The following SMTN variants were observed in gnomAD, a reference collection of about 807,000 sequenced individuals.
The protein encoded by SMTN is smoothelin.
A neutral mutation model predicts 102.0 loss-of-function variants in SMTN; 58 were observed. The ratio of observed to expected loss-of-function variants is 0.57; its 90% confidence interval spans 0.46 to 0.71. The LOEUF is 0.71. Among genes scored for constraint, SMTN ranks in the 30% least tolerant of loss-of-function variants. The probability of loss-of-function intolerance (pLI) is 0.00; values close to 1 mark genes in which losing one functional copy is unlikely to be tolerated. For missense variants in SMTN, 1,185 were observed against 1,241.7 expected (o/e 0.95, Z 0.69); for synonymous variants, 478 against 497.9 (o/e 0.96, Z 0.53).
At chr22:31,085,469 C>G (rs2042626323) in intron 2 of SMTN, among the ~76,000 whole-genome samples, 1 of 152,202 alleles carries the variant, frequency 6.6e-6, no homozygotes, top group East Asian at 1.9e-4. Context: ...GACTGAGGCC[C>G]AGTGAGACCT....
rs546170084 is a variant in SMTN at position 31,104,544 on chromosome 22, C to T, written c.*249C>T. 9.8e-6 allele frequency: 14 copies of T among 1,429,648 alleles called. No homozygotes were observed. In the Admixed American group the frequency reaches 2.0e-4, roughly 21 times the overall value. 88.6% of individuals were successfully genotyped at this position (1,429,648 alleles called of 1,614,324 possible). The stretch of plus-strand genomic sequence containing the variant: ...GCACCGTCTCCTGCCTGTGCGTCCG[C>T]CCACCGCTGCCCTGTCTGTTGCGAC... On this transcript the variant is annotated 3_prime_UTR_variant, in exon 21 of 21. Transcript: ENST00000333137.
chr22:31,099,951 G>A (rs540437776), intron 19 of SMTN, 55 bp downstream of exon 19: 46 of 1,573,112 alleles, frequency 2.9e-5, no homozygotes, highest in East Asian at 6.8e-5. Context: ...GCTGGACATC[G>A]GGACCAGGCC....
intron 1 of SMTN, chr22:31,067,762 G>C (rs570048832): frequency 1.3e-5 from 2 of 152,152 alleles, no homozygotes; most frequent in Non-Finnish European, 2.9e-5. Context: ...GTTTCACCAT[G>C]TTAGCCGGGA....
At position 31,090,974 on chromosome 22, in the gene SMTN, T is replaced by C; in HGVS notation, c.951T>C (p.Leu317=). The change falls in exon 10 of 21, where the codon CTT becomes CTC. Residue 317 remains leucine, a synonymous_variant. Coordinates refer to ENST00000333137, the MANE Select transcript of SMTN (RefSeq NM_134269.3). ...QPAQNRESTP[L]ASGPSSFQRA... is the part of the protein sequence containing the mutation. ...TGTTCCTTCTAGAGTCCACCCCCCT[T>C]GCCAGCGGACCTTCCTCATTCCAGC... 1.2e-6 allele frequency: 2 copies of C among 1,613,246 alleles called. No individual in the cohort carries two copies. The highest frequency in any genetic ancestry group is 1.7e-6 in the Non-Finnish European group (2 of 1,179,476).
intron 2 of SMTN, chr22:31,085,226 A>T: frequency 6.5e-7 from 1 of 1,534,030 alleles, no homozygotes; most frequent in South Asian, 1.2e-5. Flanking sequence ...AGATCCGGAC[A>T]CTGAAGCAGG....
At chr22:31,071,694 CTCTTTTTTTT>C (rs2042007495) in intron 1 of SMTN, among the ~76,000 whole-genome samples, 1 of 136,796 alleles carries the variant, frequency 7.3e-6, no homozygotes. Context: ...CTCTCTCTCT[CTCTTTTTTTT>C]TTTTTTTTGG....
intron 19 of SMTN, 133 bp downstream of exon 19, chr22:31,100,029 CAG>C: frequency 1.2e-6 from 1 of 860,124 alleles, no homozygotes; most frequent in South Asian, 1.7e-5. Context: ...CCCCCTTCCC[CAG>C]AGAGTCCCCG....
chr22:31,092,055 G>A (rs1488259366), intron 11 of SMTN, among the ~76,000 whole-genome samples: 1 of 152,190 alleles, frequency 6.6e-6, no homozygotes, highest in Non-Finnish European at 1.5e-5. Flanking sequence ...CCCTAAGTGT[G>A]TCGGAAGCTT....
chr22:31,064,932 A>G (rs1235059545), intron 1 of SMTN: 1 of 152,172 alleles, frequency 6.6e-6, no homozygotes, highest in Non-Finnish European at 1.5e-5. Context: ...ATCTAATCCA[A>G]GGTCCAACAT....
At chr22:31,089,329 G>A (rs2042941387) in intron 6 of SMTN, among the ~76,000 whole-genome samples, 1 of 152,144 alleles carries the variant, frequency 6.6e-6, no homozygotes, top group African/African-American at 2.4e-5. Flanking sequence ...CTGGGTCCAC[G>A]GTCCTGGCAG....
chr22:31,101,039 G>GCA lies in SMTN; in HGVS notation c.*10_*11insCA, dbSNP rs1569270537. 1 of 1,598,606 alleles carries GCA rather than the reference G, an allele frequency of 6.3e-7. No homozygotes were observed. The highest frequency in any genetic ancestry group is 1.3e-5 in the African/African-American group (1 of 74,534). On this transcript the variant is annotated 3_prime_UTR_variant, in exon 20 of 21. Transcript: ENST00000333137. ...AACCAAAAAGTCCTAACCCCTGCTC[G>GCA]GGGCCCCACGGTGAGAAACGCCGCC... is the stretch of plus-strand genomic sequence containing the variant.
intron 1 of SMTN, among the ~76,000 whole-genome samples, chr22:31,081,661 C>T (rs1285014415): frequency 6.6e-6 from 1 of 152,240 alleles, no homozygotes; most frequent in Non-Finnish European, 1.5e-5. Context: ...CACAGGGGCG[C>T]TAGTCTGTGG....
upstream of SMTN, among the ~76,000 whole-genome samples, chr22:31,079,546 A>G (rs1411096155): frequency 2.0e-5 from 3 of 152,250 alleles, no homozygotes; most frequent in African/African-American, 7.2e-5. Flanking sequence ...GAGGTGGCCT[A>G]GGTGTGCCCT....
intron 20 of SMTN, chr22:31,101,347 C>A: frequency 6.1e-6 from 2 of 329,192 alleles, no homozygotes; most frequent in South Asian, 5.1e-5. Flanking sequence ...GGGATCTGAA[C>A]AAGTTCAGGC....
intron 11 of SMTN, among the ~76,000 whole-genome samples, chr22:31,094,056 G>A (rs1156264093): frequency 6.6e-6 from 1 of 152,200 alleles, no homozygotes; most frequent in Non-Finnish European, 1.5e-5. Context: ...GGCATGTGTG[G>A]CAGCTGCCTT....
At chr22:31,068,858 C>T (rs1440286699) in intron 1 of SMTN, among the ~76,000 whole-genome samples, 1 of 152,150 alleles carries the variant, frequency 6.6e-6, no homozygotes, top group Non-Finnish European at 1.5e-5. Context: ...CAGATACGTG[C>T]TCTGGGAAGA....
rs1484507176 is a variant in SMTN, at chr22:31,089,827, C to CTCACCTGCCTCACCCAGCAGT, written c.606_626dup (p.Ala203_Pro209dup). ...GAGCCCCACCTGGGAGCACATCCAGCTCACCTGCCTCACCCAGCAGTTCAC... is the reference window on the plus strand; with the variant it reads ...GAGCCCCACCTGGGAGCACATCCAGCTCACCTGCCTCACCCAGCAGTTCACCTGCCTCACCCAGCAGTTCAC... On this transcript the variant is annotated inframe_insertion, in exon 7 of 21. Transcript: ENST00000333137. 2 of 1,613,748 alleles carry CTCACCTGCCTCACCCAGCAGT rather than the reference C, an allele frequency of 1.2e-6. No individual in the cohort carries two copies. Among genetic ancestry groups the CTCACCTGCCTCACCCAGCAGT allele is most frequent in the Admixed American group, 3.3e-5 (2 of 60,020 alleles).
In SMTN at chr22:31,089,884, G is replaced by A; in HGVS notation, c.657G>A (p.Glu219=). The A allele has an allele frequency of 6.2e-7, 1 of 1,613,608 alleles. No individual in the cohort carries two copies. ...CTGCCTCTCCTGAGCCTCCATTGGA[G>A]CCTGCCGAGGCCCAGTGCCTTACAG... ...PTPASPEPPL[E]PAEAQCLTAE... is the part of the protein sequence containing the mutation. The change falls in exon 7 of 21, where the codon GAG becomes GAA. Residue 219 remains glutamate (E), a synonymous_variant. Transcript: ENST00000333137.
At chr22:31,076,918 C>T (rs1448271538), upstream of SMTN, among the ~76,000 whole-genome samples, 1 of 152,220 alleles carries the variant, frequency 6.6e-6, no homozygotes, top group Non-Finnish European at 1.5e-5. Flanking sequence ...ATACTCCCTA[C>T]TCTGCCAGTC....
Sources: allele counts gnomAD v4.1 joint callset (sites outside exome capture counted in the v4.1 genomes callset), GRCh38; gene constraint gnomAD v4.1.1; transcripts MANE v1.5; gene names NCBI Gene and HGNC (gene_info 2026-07-23, HGNC 2026-07-21).